The following PTPRD variants were observed in gnomAD, a reference collection of about 807,000 sequenced individuals.
The protein encoded by PTPRD is receptor-type tyrosine-protein phosphatase delta.
Under a neutral mutation model 214.5 loss-of-function variants are expected in PTPRD, and 34 were observed. That is an observed-to-expected ratio of 0.16 (90% confidence interval 0.12 to 0.21). The LOEUF (loss-of-function observed/expected upper bound fraction) is 0.21, where lower values mean the gene tolerates loss of function less well. Ranked by LOEUF, PTPRD falls within the 10% of genes least tolerant of loss-of-function variation. PTPRD has a pLI of 1.00. For synonymous variants in PTPRD, 1,128 were observed against 845.7 expected (o/e 1.33, Z -5.79); for missense variants, 2,545 against 2,398.7 (o/e 1.06, Z -1.27).
chr9:8,382,734 TC>T (rs1430525413), intron 37 of PTPRD, among the ~76,000 whole-genome samples: 1 of 152,194 alleles, frequency 6.6e-6, no homozygotes, highest in African/African-American at 2.4e-5. Flanking sequence ...ACATTAAGTA[TC>T]CACCACTTTC....
intron 5 of PTPRD, among the ~76,000 whole-genome samples, chr9:9,919,085 A>T (rs1382717902): frequency 2.0e-5 from 3 of 152,134 alleles, no homozygotes; most frequent in Non-Finnish European, 2.9e-5. Context: ...AATAGCTTTA[A>T]AAAAGTTAAA....
chr9:8,622,950 C>T (rs1411027118), intron 14 of PTPRD, among the ~76,000 whole-genome samples: 2 of 150,354 alleles, frequency 1.3e-5, no homozygotes, highest in Admixed American at 6.6e-5. Context: ...CCAGCCTGGG[C>T]AATATAGCAA....
At chr9:8,854,803 A>G (rs559590568) in intron 11 of PTPRD, among the ~76,000 whole-genome samples, 4 of 152,310 alleles carry the variant, frequency 2.6e-5, no homozygotes, top group African/African-American at 4.8e-5. Flanking sequence ...ATCTATGCCT[A>G]TACTTCCCTT....
Position 10,454,441 on chromosome 9 carries a change from T to C in PTPRD, c.-599-113424A>G, listed in dbSNP as rs1000470473. Among the ~76,000 whole-genome samples, 5 of 151,670 alleles carry C rather than the reference T, an allele frequency of 3.3e-5. 1 individual carries two copies. The South Asian group carries it at 6.2e-4, about 19-fold the overall frequency. The stretch of plus-strand genomic sequence containing the variant: ...TTTTTAAAAAACTGAAATTGATTAC[T>C]TGTACTTTGTCATCACCAAAAATAT... On this transcript the variant is annotated intron_variant, in intron 2 of 45. Transcript: ENST00000381196.
chr9:8,607,975 G>A (rs1158771066), intron 14 of PTPRD, among the ~76,000 whole-genome samples: 2 of 152,184 alleles, frequency 1.3e-5, no homozygotes, highest in African/African-American at 4.8e-5. Context: ...CATGGAGGCT[G>A]CCTGCCACAC....
intron 11 of PTPRD, among the ~76,000 whole-genome samples, chr9:8,957,971 C>CAA (rs1317564046): frequency 8.2e-5 from 1 of 12,182 alleles, no homozygotes; most frequent in African/African-American, 9.1e-5. Flanking sequence ...TTCAGAAGAT[C>CAA]ACAAAGAAGT....
intron 3 of PTPRD, among the ~76,000 whole-genome samples, chr9:10,052,934 A>AT (rs1437101871): frequency 2.0e-5 from 3 of 152,102 alleles, no homozygotes; most frequent in African/African-American, 7.2e-5. Flanking sequence ...TGAAGAGTAT[A>AT]TTTTTTATAT....
chr9:9,283,064 T>G (rs1595119836), intron 9 of PTPRD, among the ~76,000 whole-genome samples: 1 of 151,514 alleles, frequency 6.6e-6, no homozygotes, highest in East Asian at 2.0e-4. Flanking sequence ...CTAAACTTGG[T>G]GTGATAACCA....
intron 3 of PTPRD, among the ~76,000 whole-genome samples, chr9:10,198,012 A>G (rs898939964): frequency 6.6e-6 from 1 of 152,138 alleles, no homozygotes; most frequent in African/African-American, 2.4e-5. Context: ...CAACCTAGAG[A>G]TAATTTAATC....
chr9:8,748,150 G>A (rs2093054007), intron 11 of PTPRD, among the ~76,000 whole-genome samples: 1 of 152,132 alleles, frequency 6.6e-6, no homozygotes, highest in African/African-American at 2.4e-5. Context: ...GCGGTTGTCA[G>A]CCAACCTCCC....
intron 9 of PTPRD, among the ~76,000 whole-genome samples, chr9:9,382,868 G>A (rs1232984707): frequency 6.6e-6 from 1 of 151,992 alleles, no homozygotes; most frequent in African/African-American, 2.4e-5. Flanking sequence ...ATTGCAGAAC[G>A]ATTCACAATA....
intron 9 of PTPRD, among the ~76,000 whole-genome samples, chr9:9,324,170 A>T (rs1968420114): frequency 6.6e-6 from 1 of 152,162 alleles, no homozygotes. Flanking sequence ...GTGTCTTTAT[A>T]GCAGCATGAT....
chr9:10,450,665 G>C lies in PTPRD; in HGVS notation c.-599-109648C>G, dbSNP rs183346973. On this transcript the variant is annotated intron_variant, in intron 2 of 45. Coordinates refer to ENST00000381196, the MANE Select transcript of PTPRD (RefSeq NM_002839.4). ...ATATATTTTACTGTCTTGTTGTTTGGCAAATGTGCTTTCCTCAGTCCGTGC... is the reference window on the plus strand; with the variant it reads ...ATATATTTTACTGTCTTGTTGTTTGCCAAATGTGCTTTCCTCAGTCCGTGC... 2.2e-3 allele frequency among the ~76,000 whole-genome samples: 331 copies of C among 151,934 alleles called. 8 individuals are homozygous for C. The highest frequency in any genetic ancestry group is 7.8e-3 in the African/African-American group (321 of 41,296).
intron 10 of PTPRD, among the ~76,000 whole-genome samples, chr9:9,050,030 A>G (rs973331439): frequency 2.6e-5 from 4 of 152,196 alleles, no homozygotes; most frequent in Admixed American, 2.0e-4. Flanking sequence ...AGCAGAAGAC[A>G]TGGTTTCCTG....
chr9:9,954,098 C>T (rs1012884416), intron 4 of PTPRD, among the ~76,000 whole-genome samples: 1 of 151,554 alleles, frequency 6.6e-6, no homozygotes, highest in Non-Finnish European at 1.5e-5. Context: ...AAGTTTGAGA[C>T]CAGTGGGGCC....
chr9:8,786,305 G>C (rs1053574079), intron 11 of PTPRD, among the ~76,000 whole-genome samples: 1 of 151,484 alleles, frequency 6.6e-6, no homozygotes, highest in African/African-American at 2.4e-5. Context: ...AATTACTGAA[G>C]TGTGTTCAAT....
chr9:10,606,823 T>C (rs2079533739), intron 2 of PTPRD, among the ~76,000 whole-genome samples: 1 of 151,948 alleles, frequency 6.6e-6, no homozygotes, highest in African/African-American at 2.4e-5. Flanking sequence ...CAAACTACAT[T>C]TGAGAACTAT....
In PTPRD at chr9:10,400,156, T is replaced by A. The variant is rs2098246034; in HGVS notation, c.-599-59139A>T. On this transcript the variant is annotated intron_variant, in intron 2 of 45. Transcript: ENST00000381196. Reference sequence around the variant, plus strand: ...CTCGTCTCCTTCACTTATGTAGTAGTCAGGCAGGTCAACTGAAGTCTGTGT... The same window carrying A: ...CTCGTCTCCTTCACTTATGTAGTAGACAGGCAGGTCAACTGAAGTCTGTGT... Among the ~76,000 whole-genome samples, 3 of 151,820 alleles carry A rather than the reference T, an allele frequency of 2.0e-5. No individual in the cohort carries two copies. The Admixed American group carries it at 2.0e-4, about 10-fold the overall frequency.
At chr9:9,617,488 A>C (rs10120261) in intron 7 of PTPRD, among the ~76,000 whole-genome samples, 3,804 of 152,294 alleles carry the variant, frequency 0.025, 77 homozygotes, top group Non-Finnish European at 0.04. Context: ...CACAGATTGA[A>C]TAATGGAAGT....
Sources: allele counts gnomAD v4.1 joint callset (sites outside exome capture counted in the v4.1 genomes callset), GRCh38; gene constraint gnomAD v4.1.1; transcripts MANE v1.5; gene names NCBI Gene and HGNC (gene_info 2026-07-23, HGNC 2026-07-21).